SPAG16: variants seen among roughly 807,000 people sequenced by gnomAD.
SPAG16 encodes the protein sperm-associated antigen 16 protein.
In SPAG16, 86 loss-of-function variants were observed where a neutral mutation model predicts 80.4. That is an observed-to-expected ratio of 1.07 (90% CI 0.90 to 1.28). The LOEUF (loss-of-function observed/expected upper bound fraction) is 1.28, where lower values mean the gene tolerates loss of function less well. Ranked by LOEUF, SPAG16 falls within the 50% of genes most tolerant of loss-of-function variation. The pLI, the probability that SPAG16 is intolerant of heterozygous loss-of-function variation, is 0.00. For missense variants in SPAG16, 870 were observed against 765.3 expected, an observed-to-expected ratio of 1.14 and a Z score of -1.61; for synonymous variants, 294 against 265.9, an observed-to-expected ratio of 1.11 and a Z score of -1.03.
At chr2:213,559,711 A>C (rs531510816) in intron 10 of SPAG16, among the ~76,000 whole-genome samples, 2 of 152,236 alleles carry the variant, frequency 1.3e-5, no homozygotes, top group African/African-American at 4.8e-5. Context: ...TAAAGATATA[A>C]TTTCCCAGTG....
chr2:214,164,848 G>A (rs1213857173), intron 15 of SPAG16, among the ~76,000 whole-genome samples: 1 of 152,030 alleles, frequency 6.6e-6, no homozygotes, highest in Non-Finnish European at 1.5e-5. Flanking sequence ...AGACTTAACA[G>A]TATAAAATGG....
At chr2:213,573,131 A>G (rs1396045545) in intron 10 of SPAG16, among the ~76,000 whole-genome samples, 2 of 152,042 alleles carry the variant, frequency 1.3e-5, no homozygotes, top group Non-Finnish European at 2.9e-5. Context: ...GCCTGCGCCC[A>G]CTGTCTGGCA....
At chr2:213,421,630 A>G (rs940580405) in intron 9 of SPAG16, among the ~76,000 whole-genome samples, 4 of 152,158 alleles carry the variant, frequency 2.6e-5, no homozygotes, top group African/African-American at 9.7e-5. Flanking sequence ...GGGCCCACCT[A>G]TGGCCACCCA....
chr2:214,244,312 GCTTA>G (rs1689689798), intron 15 of SPAG16, among the ~76,000 whole-genome samples: 1 of 151,060 alleles, frequency 6.6e-6, no homozygotes, highest in African/African-American at 2.4e-5. Flanking sequence ...GGGATTTAAG[GCTTA>G]CTTACTAGTG....
chr2:214,138,807 G>A (rs2055197276), intron 14 of SPAG16, among the ~76,000 whole-genome samples: 1 of 152,078 alleles, frequency 6.6e-6, no homozygotes, highest in Non-Finnish European at 1.5e-5. Context: ...ATACAGGGAG[G>A]TAATCTTATT....
chr2:214,008,899 A>T (rs2047157336), intron 12 of SPAG16, among the ~76,000 whole-genome samples: 1 of 152,162 alleles, frequency 6.6e-6, no homozygotes, highest in Non-Finnish European at 1.5e-5. Flanking sequence ...AGTTTTATTC[A>T]TTGGTAGTAG....
chr2:214,064,690 A>G (rs1476473451), intron 13 of SPAG16, among the ~76,000 whole-genome samples: 2 of 152,084 alleles, frequency 1.3e-5, no homozygotes, highest in Non-Finnish European at 2.9e-5. Flanking sequence ...CATTTGATAT[A>G]TTGGTTTGAA....
intron 13 of SPAG16, among the ~76,000 whole-genome samples, 163 bp downstream of exon 13, chr2:214,014,240 A>G (rs765129342): frequency 7.2e-5 from 11 of 152,208 alleles, no homozygotes; most frequent in Non-Finnish European, 2.9e-5. Context: ...ATGCACTTGT[A>G]TCCATTCTGC....
chr2:213,330,243 C>T (rs139962945), intron 5 of SPAG16, among the ~76,000 whole-genome samples: 26 of 151,526 alleles, frequency 1.7e-4, no homozygotes, highest in South Asian at 8.4e-4. Flanking sequence ...ATGGATCCAC[C>T]GACAGCTTGC....
intron 10 of SPAG16, among the ~76,000 whole-genome samples, chr2:213,767,655 T>TTACA (rs112743967): frequency 6.8e-6 from 1 of 147,666 alleles, no homozygotes; most frequent in Non-Finnish European, 1.5e-5. Flanking sequence ...ACAACATACT[T>TTACA]CACACACACA....
chr2:213,901,186 A>T (rs1466572811), intron 11 of SPAG16, among the ~76,000 whole-genome samples: 2 of 152,208 alleles, frequency 1.3e-5, no homozygotes, highest in East Asian at 3.8e-4. Flanking sequence ...ATGGATATTC[A>T]TTAATTAATA....
intron 13 of SPAG16, among the ~76,000 whole-genome samples, chr2:214,096,287 A>T (rs1034238391): frequency 6.6e-6 from 1 of 151,836 alleles, no homozygotes; most frequent in Non-Finnish European, 1.5e-5. Context: ...TGCAAAAAAA[A>T]AATGTAGAAT....
rs540376732 is a variant in SPAG16, at chr2:213,696,027, A to G, written c.1071-166458A>G. 6.6e-5 allele frequency among the ~76,000 whole-genome samples: 10 copies of G among 152,308 alleles called. 1 individual carries two copies. Among genetic ancestry groups the G allele is most frequent in the African/African-American group, 2.4e-4 (10 of 41,564 alleles). ...GTAGGTGAGAGATAATGGTGGCTTGATTTTAGGGTGATACTAGGGAAAGAG... is the reference window on the plus strand; with the variant it reads ...GTAGGTGAGAGATAATGGTGGCTTGGTTTTAGGGTGATACTAGGGAAAGAG... On this transcript the variant is annotated intron_variant, in intron 10 of 15. Transcript: ENST00000331683.
intron 10 of SPAG16, among the ~76,000 whole-genome samples, chr2:213,860,016 G>A (rs1177352134): frequency 6.6e-6 from 1 of 151,996 alleles, no homozygotes; most frequent in African/African-American, 2.4e-5. Context: ...TGATGATGAT[G>A]ATGACAGTTA....
At chr2:213,446,746 C>T (rs1330076229) in intron 9 of SPAG16, among the ~76,000 whole-genome samples, 3 of 152,140 alleles carry the variant, frequency 2.0e-5, no homozygotes, top group Non-Finnish European at 4.4e-5. Context: ...TGTGTGGATG[C>T]CTGGAGCTAC....
chr2:214,028,734 CTG>C (rs2048261214), intron 13 of SPAG16, among the ~76,000 whole-genome samples: 2 of 151,740 alleles, frequency 1.3e-5, no homozygotes, highest in African/African-American at 2.4e-5. Context: ...ACTATAGTAT[CTG>C]TGAAAAAAAT....
At chr2:214,308,663 T>G (rs1441969541) in intron 15 of SPAG16, among the ~76,000 whole-genome samples, 1 of 152,146 alleles carries the variant, frequency 6.6e-6, no homozygotes, top group Non-Finnish European at 1.5e-5. Context: ...TGGCCAGATA[T>G]AAAATTCTGG....
intron 5 of SPAG16, among the ~76,000 whole-genome samples, chr2:213,321,745 A>G (rs1245335612): frequency 6.6e-6 from 1 of 152,152 alleles, no homozygotes; most frequent in Non-Finnish European, 1.5e-5. Context: ...CTTCCAAAAT[A>G]TAAAGTTGGG....
chr2:214,277,697 C>T (rs1230016759), intron 15 of SPAG16, among the ~76,000 whole-genome samples: 2 of 152,196 alleles, frequency 1.3e-5, no homozygotes, highest in African/African-American at 4.8e-5. Flanking sequence ...CAGAGGGGAA[C>T]CCACATGTAT....
Sources: allele counts gnomAD v4.1 joint callset (sites outside exome capture counted in the v4.1 genomes callset), GRCh38; gene constraint gnomAD v4.1.1; transcripts MANE v1.5; gene names NCBI Gene and HGNC (gene_info 2026-07-23, HGNC 2026-07-21).